Variants in PDE11A observed in about 807,000 individuals in gnomAD.
The protein encoded by PDE11A is dual 3',5'-cyclic-AMP and -GMP phosphodiesterase 11A.
A neutral mutation model predicts 100.5 loss-of-function variants in PDE11A; 100 were observed. That is an observed-to-expected ratio of 1.00 (90% CI 0.85 to 1.18). The LOEUF (loss-of-function observed/expected upper bound fraction) is 1.18. Ranked by LOEUF, PDE11A falls within the 50% of genes most tolerant of loss-of-function variation. PDE11A has a pLI of 0.00. For synonymous variants in PDE11A, 381 were observed against 420.8 expected, an observed-to-expected ratio of 0.91 and a Z score of 1.16; for missense variants, 1,141 against 1,152.6, an observed-to-expected ratio of 0.99 and a Z score of 0.15.
chr2:178,043,829 A>C (rs572302972), intron 1 of PDE11A, among the ~76,000 whole-genome samples: 1 of 152,350 alleles, frequency 6.6e-6, no homozygotes, highest in East Asian at 1.9e-4. Context: ...TCTCATGTTA[A>C]GTAATTTACC....
intron 10 of PDE11A, among the ~76,000 whole-genome samples, chr2:177,761,628 CTTTTG>C (rs2082171042): frequency 6.6e-6 from 1 of 152,148 alleles, no homozygotes; most frequent in South Asian, 2.1e-4. Flanking sequence ...GAGAAGGTCA[CTTTTG>C]ACTGAAGGAC....
Position 177,871,138 on chromosome 2 carries a change from T to C in PDE11A, c.1367+4721A>G, listed in dbSNP as rs547920892. The stretch of plus-strand genomic sequence containing the variant: ...TACTTAACACTCTGTCCTCCACCTT[T>C]TCTTTTGTGCATCCCTTTCCCTATA... On this transcript the variant is annotated intron_variant, in intron 5 of 19. Transcript: ENST00000286063. Among the ~76,000 whole-genome samples the C allele has an allele frequency of 2.6e-5, 4 of 152,300 alleles. No individual in the cohort carries two copies. The East Asian group carries it at 7.7e-4, about 29-fold the overall frequency.
chr2:177,744,828 G>C (rs934169533), intron 10 of PDE11A, among the ~76,000 whole-genome samples: 4 of 152,184 alleles, frequency 2.6e-5, no homozygotes, highest in Admixed American at 2.0e-4. Flanking sequence ...GCACGGAGCA[G>C]AAACCATAGG....
intron 15 of PDE11A, among the ~76,000 whole-genome samples, chr2:177,684,678 T>C (rs980078417): frequency 1.3e-5 from 2 of 152,238 alleles, no homozygotes; most frequent in South Asian, 2.1e-4. Flanking sequence ...TAATGGGATC[T>C]GCCTTGTAGG....
chr2:177,921,757 G>C (rs2085052469), intron 2 of PDE11A: 1 of 152,202 alleles, frequency 6.6e-6, no homozygotes, highest in Non-Finnish European at 1.5e-5. Flanking sequence ...AAGATGTTGA[G>C]TGAACTGGGA....
chr2:177,740,292 C>A (rs954765932), intron 10 of PDE11A, among the ~76,000 whole-genome samples: 9 of 152,148 alleles, frequency 5.9e-5, no homozygotes, highest in African/African-American at 2.2e-4. Context: ...AATTTAACAA[C>A]ACTAAGAGCT....
intron 6 of PDE11A, among the ~76,000 whole-genome samples, chr2:177,821,512 C>T (rs1368012068): frequency 6.6e-6 from 1 of 151,750 alleles, no homozygotes; most frequent in Admixed American, 6.6e-5. Flanking sequence ...CTGAGTTATT[C>T]ACCTGTTCAG....
intron 2 of PDE11A, among the ~76,000 whole-genome samples, chr2:178,101,262 G>T (rs972778500): frequency 2.0e-5 from 3 of 152,190 alleles, no homozygotes; most frequent in African/African-American, 7.2e-5. Context: ...AATTATAGTT[G>T]TATTATAAAG....
At chr2:177,916,337 T>A (rs563511004) in intron 2 of PDE11A, among the ~76,000 whole-genome samples, 1 of 152,298 alleles carries the variant, frequency 6.6e-6, no homozygotes, top group East Asian at 1.9e-4. Flanking sequence ...AGCTGAGAAG[T>A]CTTCCTCCTT....
rs1027890052 is a variant in PDE11A at position 177,727,393 on chromosome 2, T to C, written c.2043+265A>G. On this transcript the variant is annotated intron_variant, in intron 12 of 19. Transcript: ENST00000286063. Reference sequence around the variant, plus strand: ...TTTAAAAATCTGAGCATTTCTTTTGTAAAAGAACAAGTTTACCAAGAAAAA... The same window carrying C: ...TTTAAAAATCTGAGCATTTCTTTTGCAAAAGAACAAGTTTACCAAGAAAAA... Among the ~76,000 whole-genome samples, 13 of 152,232 alleles carry C rather than the reference T, an allele frequency of 8.5e-5. No homozygotes were observed. The South Asian group carries it at 2.7e-3, about 32-fold the overall frequency.
Position 178,055,494 on chromosome 2 carries a change from TAATAAAAAAATAAA to T in PDE11A, c.912+16018_912+16031del, listed in dbSNP as rs1283782961. On this transcript the variant is annotated intron_variant, in intron 1 of 19. Coordinates refer to ENST00000286063, the MANE Select transcript of PDE11A (RefSeq NM_016953.4). Reference sequence around the variant, plus strand: ...CACATGTACCCTAGAACTTAAAGTATAATAAAAAAATAAAAATAAAAAAATAAAGTGCCAGGCTC... The same window carrying T: ...CACATGTACCCTAGAACTTAAAGTATAATAAAAAAATAAAGTGCCAGGCTC... Among the ~76,000 whole-genome samples the T allele has an allele frequency of 2.6e-5, 4 of 151,862 alleles. No homozygotes were observed. The East Asian group carries it at 7.7e-4, about 29-fold the overall frequency.
At chr2:177,699,010 G>A (rs1224651218) in intron 14 of PDE11A, among the ~76,000 whole-genome samples, 1 of 152,060 alleles carries the variant, frequency 6.6e-6, no homozygotes, top group African/African-American at 2.4e-5. Flanking sequence ...GAGATATGAA[G>A]AAATCTGGTC....
rs147624123 is a variant in PDE11A, at chr2:177,767,353, A to G, written c.1788+1970T>C. Among the ~76,000 whole-genome samples the G allele has an allele frequency of 9.9e-5, 15 of 152,130 alleles. No homozygotes were observed. The East Asian group carries it at 1.7e-3, about 18-fold the overall frequency. ...TCTCAAAAAAAAAAAGTAAACAACT[A>G]TGGATTTTGGCCTGCTATATCTCTG... On this transcript the variant is annotated intron_variant, in intron 10 of 19. Coordinates refer to ENST00000286063, the MANE Select transcript of PDE11A (RefSeq NM_016953.4).
intron 9 of PDE11A, among the ~76,000 whole-genome samples, chr2:177,804,779 TA>T (rs2105558950): frequency 6.6e-6 from 1 of 152,048 alleles, no homozygotes; most frequent in Non-Finnish European, 1.5e-5. Flanking sequence ...TCTTTTGCAG[TA>T]ACATAGATGG....
chr2:177,848,290 A>G (rs1469301767), intron 5 of PDE11A, among the ~76,000 whole-genome samples: 4 of 152,212 alleles, frequency 2.6e-5, no homozygotes, highest in African/African-American at 4.8e-5. Flanking sequence ...GTAAAAATAT[A>G]TTGATATAAA....
At position 178,072,206 on chromosome 2, in the gene PDE11A, G is replaced by A. The variant is rs576470241; in HGVS notation, c.232C>T (p.Pro78Ser). Residue 78 changes from proline to serine, a missense_variant, in exon 1 of 20, where the codon CCA (proline) becomes TCA (serine). Pro to Ser is a moderately conservative substitution (Grantham distance 74). Coordinates refer to ENST00000286063, the MANE Select transcript of PDE11A (RefSeq NM_016953.4). Reference sequence around the variant, plus strand: ...GGCTGGCTGTGGGCAGAGCCATTTGGTCCAGTGCCACCACCAACGCTGCTG... The same window carrying A: ...GGCTGGCTGTGGGCAGAGCCATTTGATCCAGTGCCACCACCAACGCTGCTG... ...GGSSVGGGTG[P>S]NGSAHSQPLP... is the part of the protein sequence containing the mutation. The A allele has an allele frequency of 7.4e-6, 12 of 1,613,708 alleles. No homozygotes were observed. The highest frequency in any genetic ancestry group is 1.0e-5 in the Non-Finnish European group (12 of 1,179,866).
intron 5 of PDE11A, among the ~76,000 whole-genome samples, chr2:177,854,774 T>C (rs1435526288): frequency 5.3e-5 from 8 of 152,140 alleles, no homozygotes; most frequent in Admixed American, 3.3e-4. Context: ...CTGGCACCAG[T>C]CTTGTCTTCC....
rs770158287 is a variant in PDE11A at position 178,014,373 on chromosome 2, C to A, written c.1000G>T (p.Glu334Ter). Residue 334 changes from glutamate to a stop codon, truncating the protein, a stop_gained, in exon 2 of 20, where the codon GAG becomes TAG. Transcript: ENST00000286063. LOFTEE classifies it high-confidence loss of function. ...LCMPIRSSDG[E>*]IIGVAQAINK... is the part of the protein sequence containing the mutation. ...ATCGCTTGGGCCACACCAATAATCTCACCATCACTGCTTCGGATAGGCATG... is the reference window on the plus strand; with the variant it reads ...ATCGCTTGGGCCACACCAATAATCTAACCATCACTGCTTCGGATAGGCATG... The A allele has an allele frequency of 6.2e-7, 1 of 1,612,244 alleles. No individual in the cohort carries two copies. The highest frequency in any genetic ancestry group is 8.5e-7 in the Non-Finnish European group (1 of 1,178,292).
chr2:178,041,400 C>A (rs369878021), intron 1 of PDE11A, among the ~76,000 whole-genome samples: 1 of 151,810 alleles, frequency 6.6e-6, no homozygotes, highest in East Asian at 1.9e-4. Flanking sequence ...TGCACCACCA[C>A]GCCCGGCTAA....
Sources: gnomAD v4.1 joint callset for allele counts (sites outside exome capture counted in the v4.1 genomes callset) on GRCh38, gnomAD v4.1.1 for gene constraint, MANE v1.5 for transcripts, NCBI Gene and HGNC (gene_info 2026-07-23, HGNC 2026-07-21) for gene names.